The following LMBRD1 variants were observed in gnomAD, a reference collection of about 807,000 sequenced individuals.
LMBRD1 encodes LMBR1 domain containing 1.
LMBRD1 carries 64 observed loss-of-function variants against 74.8 expected under a neutral mutation model. The ratio of observed to expected loss-of-function variants is 0.86; its 90% CI spans 0.70 to 1.05. LMBRD1 has a LOEUF of 1.05. Among genes scored for constraint, LMBRD1 ranks in the 50% least tolerant of loss-of-function variants. The pLI, the probability that LMBRD1 is intolerant of heterozygous loss-of-function variation, is 0.00. For missense variants in LMBRD1, 652 were observed against 645.9 expected (o/e 1.01, Z -0.10); for synonymous variants, 204 against 216.3 (o/e 0.94, Z 0.50).
In LMBRD1 at chr6:69,681,004, A is replaced by C. The variant is rs951615957; in HGVS notation, c.1418-4463T>G. ...CTTCAAAGTAAATTTAAACTGTTGG[A>C]TATTTCATTTAGGAATTGTGTTCTA... On this transcript the variant is annotated intron_variant, in intron 14 of 15. Coordinates refer to ENST00000649934, the MANE Select transcript of LMBRD1 (RefSeq NM_018368.4). Among the ~76,000 whole-genome samples the C allele has an allele frequency of 2.5e-4, 38 of 152,244 alleles. 1 individual carries two copies. Among genetic ancestry groups the C allele is most frequent in the Admixed American group, 2.2e-3 (34 of 15,272 alleles).
rs1208540643 is a variant in LMBRD1, at chr6:69,793,178, TA to T, written c.70-2707del. Among the ~76,000 whole-genome samples the T allele has an allele frequency of 2.0e-5, 3 of 152,304 alleles. No individual in the cohort carries two copies. The East Asian group carries it at 5.8e-4, about 29-fold the overall frequency. Reference sequence around the variant, plus strand: ...AAATATATAACTCTGTTAACAATTATAAAGAAAAGTTTCAAATAGTCCCCCC... The same window carrying T: ...AAATATATAACTCTGTTAACAATTATAAGAAAAGTTTCAAATAGTCCCCCC... On this transcript the variant is annotated intron_variant, in intron 1 of 15. Coordinates refer to ENST00000649934, the MANE Select transcript of LMBRD1 (RefSeq NM_018368.4).
At chr6:69,694,734 C>T (rs796649889) in intron 14 of LMBRD1, among the ~76,000 whole-genome samples, 3 of 152,240 alleles carry the variant, frequency 2.0e-5, no homozygotes, top group Admixed American at 6.5e-5. Flanking sequence ...TCCATTCCTT[C>T]CCCCAAACAA....
intron 14 of LMBRD1, among the ~76,000 whole-genome samples, chr6:69,695,047 G>A (rs1470367934): frequency 6.6e-6 from 1 of 151,980 alleles, no homozygotes; most frequent in Admixed American, 6.6e-5. Context: ...TACTATCTGA[G>A]GCCATATCCT....
intron 5 of LMBRD1, among the ~76,000 whole-genome samples, chr6:69,743,632 G>A (rs889818695): frequency 9.2e-5 from 14 of 152,274 alleles, no homozygotes; most frequent in African/African-American, 2.6e-4. Flanking sequence ...AGGTATAAAC[G>A]AAAGCACAAA....
chr6:69,718,882 C>G, intron 8 of LMBRD1, 74 bp downstream of exon 8: 2 of 1,519,240 alleles, frequency 1.3e-6, no homozygotes, highest in Non-Finnish European at 1.8e-6. Context: ...TTGACAATGT[C>G]TAAGTCATAT....
chr6:69,757,045 G>A (rs977813426), intron 3 of LMBRD1, among the ~76,000 whole-genome samples: 7 of 152,166 alleles, frequency 4.6e-5, no homozygotes, highest in African/African-American at 1.7e-4. Context: ...TATATGCAGT[G>A]ATCAAAAACT....
chr6:69,708,538 C>T (rs376177345), intron 9 of LMBRD1, among the ~76,000 whole-genome samples: 1 of 151,822 alleles, frequency 6.6e-6, no homozygotes, highest in Non-Finnish European at 1.5e-5. Context: ...AGGAGCAGAG[C>T]AAGGACTCAA....
In LMBRD1 at chr6:69,791,590, G is replaced by C. The variant is rs59692381; in HGVS notation, c.70-1118C>G. Reference sequence around the variant, plus strand: ...CTGGTAGTTTTAAAAGCCTTGTTTTGACCTTTCACTTTTTCAACAGCGGTT... The same window carrying C: ...CTGGTAGTTTTAAAAGCCTTGTTTTCACCTTTCACTTTTTCAACAGCGGTT... On this transcript the variant is annotated intron_variant, in intron 1 of 15. Transcript: ENST00000649934. Among the ~76,000 whole-genome samples, 607 of 152,232 alleles carry C rather than the reference G, an allele frequency of 4.0e-3. 4 individuals carry two copies. The highest frequency in any genetic ancestry group is 0.013 in the African/African-American group (549 of 41,542).
chr6:69,689,256 A>G (rs1765829716), intron 14 of LMBRD1, among the ~76,000 whole-genome samples: 1 of 152,086 alleles, frequency 6.6e-6, no homozygotes, highest in African/African-American at 2.4e-5. Context: ...ATAAGAAAAG[A>G]AAGTTAAGAT....
At chr6:69,690,479 C>G (rs1050230275) in intron 14 of LMBRD1, among the ~76,000 whole-genome samples, 6 of 152,086 alleles carry the variant, frequency 3.9e-5, no homozygotes, top group Non-Finnish European at 8.8e-5. Context: ...GAATGCTGTT[C>G]AGTAAGATTC....
chr6:69,698,885 T>C (rs1766063859), intron 13 of LMBRD1, among the ~76,000 whole-genome samples, 158 bp downstream of exon 13: 1 of 151,846 alleles, frequency 6.6e-6, no homozygotes, highest in Non-Finnish European at 1.5e-5. Context: ...GAAACAAATA[T>C]AAATATGCTA....
At chr6:69,768,702 C>T (rs897941273) in intron 3 of LMBRD1, among the ~76,000 whole-genome samples, 4 of 151,924 alleles carry the variant, frequency 2.6e-5, no homozygotes, top group Admixed American at 1.3e-4. Context: ...TGGTTTACTG[C>T]CTAGTGTCAT....
chr6:69,725,414 C>T (rs1484927267), intron 7 of LMBRD1, among the ~76,000 whole-genome samples: 1 of 151,588 alleles, frequency 6.6e-6, no homozygotes, highest in East Asian at 1.9e-4. Context: ...ATCCCAAAGA[C>T]CCAGAATACC....
At chr6:69,715,273 TTTGTCTCAATGCTGGCGTTCACTA>T (rs959238949) in intron 8 of LMBRD1, among the ~76,000 whole-genome samples, 1 of 152,192 alleles carries the variant, frequency 6.6e-6, no homozygotes, top group Admixed American at 6.6e-5. Flanking sequence ...ATGAGGTAAT[TTTGTCTCAATGCTGGCGTTCACTA>T]TTTTAGAAAA....
At chr6:69,693,244 A>G (rs1302669177) in intron 14 of LMBRD1, among the ~76,000 whole-genome samples, 1 of 152,098 alleles carries the variant, frequency 6.6e-6, no homozygotes, top group African/African-American at 2.4e-5. Flanking sequence ...TTTTAGGATT[A>G]CTGCTAAATT....
At chr6:69,710,767 G>A (rs1362457555) in intron 9 of LMBRD1, among the ~76,000 whole-genome samples, 1 of 152,122 alleles carries the variant, frequency 6.6e-6, no homozygotes, top group Non-Finnish European at 1.5e-5. Context: ...AAAACTGTGA[G>A]ATGCTACTGC....
At chr6:69,776,502 A>T (rs1485706220) in intron 3 of LMBRD1, among the ~76,000 whole-genome samples, 1 of 152,242 alleles carries the variant, frequency 6.6e-6, no homozygotes, top group Non-Finnish European at 1.5e-5. Context: ...AGTTATCATG[A>T]ATTAGGCATC....
rs144335190 is a variant in LMBRD1 at position 69,754,112 on chromosome 6, T to C, written c.308-1756A>G. Among the ~76,000 whole-genome samples, 722 of 151,722 alleles carry C rather than the reference T, an allele frequency of 4.8e-3. 8 individuals are homozygous for C. The highest frequency in any genetic ancestry group is 0.017 in the Middle Eastern group (5 of 294). The stretch of plus-strand genomic sequence containing the variant: ...TAGTCAAAAGCAAGGACACAGAAAG[T>C]AGGACGGTGGTTGTCAGAAGGAGAG... On this transcript the variant is annotated intron_variant, in intron 3 of 15. Coordinates refer to ENST00000649934, the MANE Select transcript of LMBRD1 (RefSeq NM_018368.4).
chr6:69,729,846 T>G (rs554280816), intron 7 of LMBRD1, among the ~76,000 whole-genome samples: 3 of 152,010 alleles, frequency 2.0e-5, no homozygotes, highest in Non-Finnish European at 4.4e-5. Flanking sequence ...TATCAGGAAA[T>G]TTAACTACAA....
Sources: gnomAD v4.1 joint callset for allele counts (sites outside exome capture counted in the v4.1 genomes callset) on GRCh38, gnomAD v4.1.1 for gene constraint, MANE v1.5 for transcripts, NCBI Gene and HGNC (gene_info 2026-07-23, HGNC 2026-07-21) for gene names.